The following OPCML variants were observed in gnomAD, a reference collection of about 807,000 sequenced individuals.
OPCML encodes opioid-binding protein/cell adhesion molecule.
Under a neutral mutation model 37.8 loss-of-function variants are expected in OPCML, and 13 were observed. The observed-to-expected ratio is 0.34, with a 90% confidence interval of 0.22 to 0.55. The LOEUF (loss-of-function observed/expected upper bound fraction) is 0.55. OPCML is among the 20% of genes least tolerant of loss of function. The pLI is 0.91. For missense variants in OPCML, 341 were observed against 435.6 expected, an observed-to-expected ratio of 0.78 and a Z score of 1.93; for synonymous variants, 176 against 168.8, an observed-to-expected ratio of 1.04 and a Z score of -0.33.
intron 1 of OPCML, among the ~76,000 whole-genome samples, chr11:132,981,275 T>C (rs1029658712): frequency 1.3e-5 from 2 of 152,128 alleles, no homozygotes; most frequent in Admixed American, 1.3e-4. Flanking sequence ...ACAGATAAGA[T>C]GTAGTGAGAT....
chr11:133,169,603 C>T (rs749044250), intron 1 of OPCML, among the ~76,000 whole-genome samples: 12 of 152,164 alleles, frequency 7.9e-5, no homozygotes, highest in South Asian at 6.2e-4. Context: ...GATATAGAAG[C>T]GAAAACAAAA....
At chr11:133,431,178 C>G (rs1182566810) in intron 1 of OPCML, among the ~76,000 whole-genome samples, 1 of 152,056 alleles carries the variant, frequency 6.6e-6, no homozygotes, top group Non-Finnish European at 1.5e-5. Context: ...AGTATAGTAC[C>G]TTGACATATA....
intron 1 of OPCML, among the ~76,000 whole-genome samples, chr11:133,028,522 A>AGCGTGTGT (rs1947606107): frequency 1.1e-5 from 1 of 88,978 alleles, no homozygotes; most frequent in African/African-American, 6.6e-5. Flanking sequence ...TTTGATAAGG[A>AGCGTGTGT]GCGTGTGTGT....
At chr11:133,467,691 A>G (rs1947008180) in intron 1 of OPCML, among the ~76,000 whole-genome samples, 1 of 152,108 alleles carries the variant, frequency 6.6e-6, no homozygotes, top group Admixed American at 6.5e-5. Context: ...GCCTGGTCCC[A>G]TATGTCCTGA....
intron 2 of OPCML, among the ~76,000 whole-genome samples, chr11:132,821,235 G>A (rs373615313): frequency 1.5e-4 from 23 of 152,204 alleles, no homozygotes; most frequent in African/African-American, 5.5e-4. Flanking sequence ...TAACATCAGG[G>A]CTGGGGAATG....
intron 1 of OPCML, among the ~76,000 whole-genome samples, chr11:133,077,765 A>T (rs760278602): frequency 5.3e-5 from 8 of 152,224 alleles, no homozygotes; most frequent in Non-Finnish European, 1.2e-4. Context: ...AAAGACTCCT[A>T]TTGGAATATA....
chr11:132,548,079 G>A (rs1194176577), intron 3 of OPCML, among the ~76,000 whole-genome samples: 1 of 152,190 alleles, frequency 6.6e-6, no homozygotes, highest in Non-Finnish European at 1.5e-5. Flanking sequence ...AAGCAAGAGA[G>A]TTTAAATTAT....
At chr11:132,852,578 G>T (rs116183020) in intron 2 of OPCML, among the ~76,000 whole-genome samples, 1 of 151,722 alleles carries the variant, frequency 6.6e-6, no homozygotes, top group Admixed American at 6.6e-5. Flanking sequence ...TGTCGGCACC[G>T]CGTGCTTCCC....
intron 4 of OPCML, among the ~76,000 whole-genome samples, chr11:132,479,158 G>T (rs1403114254): frequency 6.6e-6 from 1 of 152,082 alleles, no homozygotes; most frequent in Non-Finnish European, 1.5e-5. Flanking sequence ...CAGACAGTGG[G>T]CTCAGGTCAG....
intron 1 of OPCML, among the ~76,000 whole-genome samples, chr11:133,294,329 G>T (rs140690610): frequency 6.6e-6 from 1 of 152,120 alleles, no homozygotes; most frequent in African/African-American, 2.4e-5. Flanking sequence ...GGCTGAAGTC[G>T]CAAGGCTATA....
chr11:132,910,530 G>T (rs1483347379), intron 2 of OPCML, among the ~76,000 whole-genome samples: 1 of 152,200 alleles, frequency 6.6e-6, no homozygotes, highest in Non-Finnish European at 1.5e-5. Context: ...CATCCCAGGT[G>T]CGGTGGGGAT....
chr11:132,996,257 A>T (rs1424335663), intron 1 of OPCML, among the ~76,000 whole-genome samples: 3 of 152,178 alleles, frequency 2.0e-5, no homozygotes, highest in Non-Finnish European at 2.9e-5. Flanking sequence ...CCCACTGCTC[A>T]TCAAATGGTT....
At chr11:133,360,659 T>C (rs1278069707) in intron 1 of OPCML, 2 of 152,304 alleles carry the variant, frequency 1.3e-5, no homozygotes, top group Non-Finnish European at 2.9e-5. Flanking sequence ...GCAACTTATG[T>C]TGCTTAATTC....
intron 1 of OPCML, among the ~76,000 whole-genome samples, chr11:133,393,768 A>G (rs1334520327): frequency 6.6e-6 from 1 of 152,192 alleles, no homozygotes; most frequent in Non-Finnish European, 1.5e-5. Context: ...TAACTGGCTA[A>G]TCCCAAGAAC....
At chr11:132,739,902 C>T (rs1945382880) in intron 2 of OPCML, among the ~76,000 whole-genome samples, 1 of 152,086 alleles carries the variant, frequency 6.6e-6, no homozygotes, top group South Asian at 2.1e-4. Flanking sequence ...CTCGTTTTTG[C>T]TTATTCAACC....
intron 1 of OPCML, among the ~76,000 whole-genome samples, chr11:133,329,243 G>A (rs1386142343): frequency 6.6e-6 from 1 of 152,116 alleles, no homozygotes; most frequent in African/African-American, 2.4e-5. Context: ...AATATCGTGA[G>A]AATGGCCATA....
At chr11:132,584,977 C>A (rs1213849290) in intron 3 of OPCML, among the ~76,000 whole-genome samples, 1 of 152,160 alleles carries the variant, frequency 6.6e-6, no homozygotes, top group South Asian at 2.1e-4. Context: ...ACTGGCCCAG[C>A]CTTCATAGGC....
In OPCML at chr11:133,493,048, C is replaced by G. The variant is rs367777828; in HGVS notation, c.61+39216G>C. ...CTGTCAGTCCTTCGGAGCCCAGTAT[C>G]TGCATCTCAAACTGAGGGCTCCTCT... On this transcript the variant is annotated intron_variant, in intron 1 of 7. Coordinates refer to ENST00000524381, the MANE Select transcript of OPCML (RefSeq NM_001012393.5). Among the ~76,000 whole-genome samples the G allele has an allele frequency of 2.6e-5, 4 of 152,240 alleles. No homozygotes were observed. In the East Asian group the frequency reaches 5.8e-4, roughly 22 times the overall value.
intron 1 of OPCML, among the ~76,000 whole-genome samples, chr11:132,959,636 C>A (rs11606449): frequency 0.25 from 37,360 of 151,978 alleles, 5,770 homozygotes; most frequent in African/African-American, 0.45. Flanking sequence ...TGTAAGCATC[C>A]TAGTGGTTCA....
Sources: gnomAD v4.1 joint callset for allele counts (sites outside exome capture counted in the v4.1 genomes callset) on GRCh38, gnomAD v4.1.1 for gene constraint, MANE v1.5 for transcripts, NCBI Gene and HGNC (gene_info 2026-07-23, HGNC 2026-07-21) for gene names.